TCF25: variants seen among roughly 807,000 people sequenced by gnomAD.
TCF25 encodes the protein TCF25 ribosome quality control complex subunit.
Under a neutral mutation model 83.1 loss-of-function variants are expected in TCF25, and 41 were observed. The ratio of observed to expected loss-of-function variants is 0.49; its 90% CI spans 0.38 to 0.64. TCF25 has a LOEUF of 0.64. Ranked by LOEUF, TCF25 falls within the 30% of genes least tolerant of loss-of-function variation. The pLI is 0.00. For missense variants in TCF25, 979 were observed against 914.5 expected (o/e 1.07, Z -0.91); for synonymous variants, 458 against 365.0 (o/e 1.25, Z -2.90).
rs1207397783 is a variant in TCF25, at chr16:89,889,259, T to C, written c.614+1542T>C. On this transcript the variant is annotated intron_variant, in intron 5 of 17. Coordinates refer to ENST00000263346, the MANE Select transcript of TCF25 (RefSeq NM_014972.3). ...GGTCTTGCTGGGTTGTCCAGTCTGG[T>C]TTTGAACTCGTGGCCTCAAGTGATC... 1.0e-5 allele frequency: 4 copies of C among 399,396 alleles called. No homozygotes were observed. The Admixed American group carries it at 1.2e-4, about 12-fold the overall frequency. The allele number at this position is 399,396 out of a possible 1,614,324, so 24.7% of individuals were successfully genotyped here.
At chr16:89,895,178 G>C (rs763000063) in intron 8 of TCF25, 41 bp downstream of exon 8, 1 of 1,565,372 alleles carries the variant, frequency 6.4e-7, no homozygotes, top group Non-Finnish European at 8.8e-7. Context: ...AGCTGTGGGA[G>C]CACCTCAAGC....
chr16:89,875,149 G>A (rs763548218), intron 1 of TCF25, among the ~76,000 whole-genome samples: 2 of 152,206 alleles, frequency 1.3e-5, no homozygotes, highest in African/African-American at 4.8e-5. Flanking sequence ...AGAGGCATGA[G>A]CCACTGTGCT....
rs747448389 is a variant in TCF25, at chr16:89,893,856, G to A, written c.826G>A (p.Val276Met). Residue 276 changes from valine (V) to methionine (M), a missense_variant and splice_region_variant, in exon 7 of 18, where the codon GTG becomes ATG. By Grantham distance (21) the Val-to-Met change is conservative. Coordinates refer to ENST00000263346, the MANE Select transcript of TCF25 (RefSeq NM_014972.3). ...GGAGTCTATGGAGCCGAACAACATCGTGGTGCGTGGTCCCTGCAGCCCCTG... is the reference window on the plus strand; with the variant it reads ...GGAGTCTATGGAGCCGAACAACATCATGGTGCGTGGTCCCTGCAGCCCCTG... ...AVESMEPNNI[V>M]VLLQTSPYHV... The A allele has an allele frequency of 8.1e-6, 13 of 1,601,724 alleles. No individual in the cohort carries two copies. The highest frequency in any genetic ancestry group is 1.0e-5 in the Non-Finnish European group (12 of 1,174,514).
chr16:89,906,467 G>A (rs1300752518), intron 15 of TCF25, among the ~76,000 whole-genome samples, 183 bp downstream of exon 15: 1 of 152,176 alleles, frequency 6.6e-6, no homozygotes, highest in African/African-American at 2.4e-5. Flanking sequence ...GGGTTCGGAT[G>A]CTTGTTGTTT....
At chr16:89,904,272 C>T in intron 13 of TCF25, 67 bp downstream of exon 13, 1 of 1,522,814 alleles carries the variant, frequency 6.6e-7, no homozygotes, top group South Asian at 1.2e-5. Flanking sequence ...GCCATTTTCA[C>T]TCATCCTGAG....
chr16:89,884,674 G>A lies in TCF25; in HGVS notation c.429+18G>A. ...AAGCATCGGTACGTGAGTTGGGCCTGGCTGTGCTCTGTCCCTCTGCCTGAC... is the reference window on the plus strand; with the variant it reads ...AAGCATCGGTACGTGAGTTGGGCCTAGCTGTGCTCTGTCCCTCTGCCTGAC... On this transcript the variant is annotated intron_variant, in intron 3 of 17. Transcript: ENST00000263346. 1.2e-6 allele frequency: 2 copies of A among 1,609,048 alleles called. No individual in the cohort carries two copies. Among genetic ancestry groups the A allele is most frequent in the Non-Finnish European group, 1.7e-6 (2 of 1,177,356 alleles).
At position 89,893,266 on chromosome 16, in the gene TCF25, A is replaced by G. The variant is rs114078792; in HGVS notation, c.698-462A>G. Among the ~76,000 whole-genome samples the G allele has an allele frequency of 6.9e-3, 1,048 of 152,324 alleles. 10 individuals carry two copies. Among genetic ancestry groups the G allele is most frequent in the African/African-American group, 0.024 (1,013 of 41,564 alleles). Reference sequence around the variant, plus strand: ...AGGAGCCAAGTGAGAGGGTGGTCACACGTTACAAAGCTCTGTGGCTTCAGA... The same window carrying G: ...AGGAGCCAAGTGAGAGGGTGGTCACGCGTTACAAAGCTCTGTGGCTTCAGA... On this transcript the variant is annotated intron_variant, in intron 6 of 17. Transcript: ENST00000263346.
chr16:89,881,868 C>T (rs1481374157), intron 1 of TCF25, among the ~76,000 whole-genome samples: 2 of 152,212 alleles, frequency 1.3e-5, no homozygotes, highest in African/African-American at 4.8e-5. Context: ...AATTCTCCTG[C>T]CTCGGCCTCC....
At chr16:89,888,988 A>G (rs1488899290) in intron 5 of TCF25, among the ~76,000 whole-genome samples, 1 of 151,264 alleles carries the variant, frequency 6.6e-6, no homozygotes, top group African/African-American at 2.4e-5. Context: ...CGCCCGGCCC[A>G]GATAAATTTC....
chr16:89,906,031 G>T, intron 14 of TCF25, 163 bp from the exon 15 acceptor site: 1 of 654,570 alleles, frequency 1.5e-6, no homozygotes, highest in South Asian at 1.8e-5. Flanking sequence ...CCAGGGACCA[G>T]CCATGGTGCC....
intron 12 of TCF25, among the ~76,000 whole-genome samples, chr16:89,903,764 G>A (rs182740021): frequency 6.9e-4 from 105 of 152,210 alleles, no homozygotes; most frequent in African/African-American, 1.1e-3. Flanking sequence ...CCGAGATTTC[G>A]CCAACGCACT....
At chr16:89,895,292 G>T (rs148020214) in intron 8 of TCF25, among the ~76,000 whole-genome samples, 155 bp downstream of exon 8, 1 of 152,154 alleles carries the variant, frequency 6.6e-6, no homozygotes, top group African/African-American at 2.4e-5. Flanking sequence ...CCCATTTAAA[G>T]TTTTTGTTTG....
chr16:89,911,296 C>A lies in TCF25; in HGVS notation c.*58C>A. 1 of 1,594,688 alleles carries A rather than the reference C, an allele frequency of 6.3e-7. No individual in the cohort carries two copies. Among genetic ancestry groups the A allele is most frequent in the South Asian group, 1.1e-5 (1 of 90,112 alleles). ...TGATGTTCCCGATTTCTCTGTTGGT[C>A]GGAGTCGGCCAGTTGCCTGAAGTAG... is the stretch of plus-strand genomic sequence containing the variant. On this transcript the variant is annotated 3_prime_UTR_variant, in exon 18 of 18. Transcript: ENST00000263346.
intron 4 of TCF25, 26 bp from the exon 5 acceptor site, chr16:89,887,626 T>G (rs1275434992): frequency 6.4e-7 from 1 of 1,570,332 alleles, no homozygotes; most frequent in East Asian, 2.3e-5. Context: ...TTTCATGTTT[T>G]TTTTCTACAA....
Position 89,910,598 on chromosome 16 carries a change from C to A in TCF25, c.1807C>A (p.Pro603Thr). The change falls in exon 17 of 18, where the codon CCT becomes ACT. Residue 603 changes from proline (P) to threonine (T), a missense_variant. Physicochemically the swap from Pro to Thr is conservative, Grantham distance 38 (BLOSUM62 -1). Coordinates refer to ENST00000263346, the MANE Select transcript of TCF25 (RefSeq NM_014972.3). Reference protein sequence around the residue: ...YSYVRPERLSPISHGNTIALF... With the variant: ...YSYVRPERLSTISHGNTIALF... The stretch of plus-strand genomic sequence containing the variant: ...TTCTTGACTTTCTTTCAGGCTAAGT[C>A]CTATCAGCCATGGAAACACCATTGC... 2 of 1,613,650 alleles carry A rather than the reference C, an allele frequency of 1.2e-6. No individual in the cohort carries two copies. The highest frequency in any genetic ancestry group is 1.7e-6 in the Non-Finnish European group (2 of 1,179,914).
rs771856873 is a variant in TCF25, at chr16:89,911,283, T to C, written c.*45T>C. On this transcript the variant is annotated 3_prime_UTR_variant, in exon 18 of 18. Coordinates refer to ENST00000263346, the MANE Select transcript of TCF25 (RefSeq NM_014972.3). ...AAAAGCCGTATGATGATGTTCCCGA[T>C]TTCTCTGTTGGTCGGAGTCGGCCAG... 3.1e-6 allele frequency: 5 copies of C among 1,601,894 alleles called. No individual in the cohort carries two copies. Among genetic ancestry groups the C allele is most frequent in the Non-Finnish European group, 4.3e-6 (5 of 1,171,542 alleles).
At position 89,893,065 on chromosome 16, in the gene TCF25, A is replaced by G. The variant is rs139074372; in HGVS notation, c.698-663A>G. On this transcript the variant is annotated intron_variant, in intron 6 of 17. Transcript: ENST00000263346. Reference sequence around the variant, plus strand: ...ACGGCCCCTTCCCTTCCTGGCAGGAACCCCTGCTCACTGCAGACAGGGGTT... The same window carrying G: ...ACGGCCCCTTCCCTTCCTGGCAGGAGCCCCTGCTCACTGCAGACAGGGGTT... Among the ~76,000 whole-genome samples the G allele has an allele frequency of 5.7e-4, 86 of 152,210 alleles. 1 individual carries two copies. Among genetic ancestry groups the G allele is most frequent in the African/African-American group, 2.0e-3 (82 of 41,526 alleles).
chr16:89,898,896 C>G, intron 11 of TCF25, 24 bp downstream of exon 11: 2 of 1,606,752 alleles, frequency 1.2e-6, no homozygotes, highest in Non-Finnish European at 1.7e-6. Context: ...TGGTGAGGCC[C>G]CGTGGAGGGA....
chr16:89,889,188 C>T (rs932194718), intron 5 of TCF25: 2 of 396,410 alleles, frequency 5.0e-6, no homozygotes, highest in Admixed American at 6.1e-5. Flanking sequence ...AAGGCTTTGT[C>T]TTTTTTTTAT....
Sources: allele counts gnomAD v4.1 joint callset (sites outside exome capture counted in the v4.1 genomes callset), GRCh38; gene constraint gnomAD v4.1.1; transcripts MANE v1.5; gene names NCBI Gene and HGNC (gene_info 2026-07-23, HGNC 2026-07-21).